The following XIRP2 variants were observed in gnomAD, a reference collection of about 807,000 sequenced individuals.
The protein encoded by XIRP2 is xin actin-binding repeat-containing protein 2.
A neutral mutation model predicts 277.0 loss-of-function variants in XIRP2; 236 were observed. The observed-to-expected ratio is 0.85, with a 90% CI of 0.77 to 0.95. XIRP2 has a LOEUF of 0.95. Among genes scored for constraint, XIRP2 ranks in the 40% least tolerant of loss-of-function variants. XIRP2 has a pLI of 0.00. For synonymous variants in XIRP2, 1,490 were observed against 1,416.5 expected (o/e 1.05, Z -1.17); for missense variants, 4,640 against 4,157.5 (o/e 1.12, Z -3.19).
intron 3 of XIRP2, among the ~76,000 whole-genome samples, chr2:167,203,176 C>T (rs1693769881): frequency 6.6e-6 from 1 of 152,082 alleles, no homozygotes; most frequent in Non-Finnish European, 1.5e-5. Context: ...ATTCATAGGT[C>T]CTGGGGATTA....
intron 2 of XIRP2, among the ~76,000 whole-genome samples, chr2:167,030,617 G>A (rs529987887): frequency 6.6e-6 from 1 of 152,194 alleles, no homozygotes; most frequent in East Asian, 1.9e-4. Flanking sequence ...GCTGAGGAGT[G>A]TTTTACTTTG....
chr2:167,178,108 T>A (rs1413910561), intron 3 of XIRP2, among the ~76,000 whole-genome samples: 1 of 152,062 alleles, frequency 6.6e-6, no homozygotes, highest in Non-Finnish European at 1.5e-5. Flanking sequence ...AAAAGTATTG[T>A]TTCATATATA....
At chr2:167,012,792 G>A (rs1687718826) in intron 2 of XIRP2, among the ~76,000 whole-genome samples, 1 of 151,484 alleles carries the variant, frequency 6.6e-6, no homozygotes, top group Admixed American at 6.6e-5. Context: ...TTCTTCCTAT[G>A]TTTTGAAATC....
In XIRP2 at chr2:167,258,200, T is replaced by A. The variant is rs1221684459; in HGVS notation, c.*383T>A. On this transcript the variant is annotated 3_prime_UTR_variant, in exon 11 of 11. Coordinates refer to ENST00000409195, the MANE Select transcript of XIRP2 (RefSeq NM_152381.6). ...GGAGATCCCTAAGAAAACCTTACCCTTTGAGGAAGAGCTCAAAATGAGTAA... is the reference window on the plus strand; with the variant it reads ...GGAGATCCCTAAGAAAACCTTACCCATTGAGGAAGAGCTCAAAATGAGTAA... 3 of 1,612,960 alleles carry A rather than the reference T, an allele frequency of 1.9e-6. No homozygotes were observed. The highest frequency in any genetic ancestry group is 3.3e-4 in the Middle Eastern group (2 of 6,056).
At chr2:167,137,538 A>G (rs1295737686) in intron 3 of XIRP2, among the ~76,000 whole-genome samples, 1 of 152,200 alleles carries the variant, frequency 6.6e-6, no homozygotes, top group East Asian at 1.9e-4. Flanking sequence ...ACATGAGATA[A>G]TTAACTCCAC....
intron 2 of XIRP2, among the ~76,000 whole-genome samples, chr2:167,123,369 C>T (rs1398183764): frequency 6.6e-6 from 1 of 152,086 alleles, no homozygotes; most frequent in Admixed American, 6.6e-5. Context: ...AAGAAACTTA[C>T]TTTAATAGAT....
intron 2 of XIRP2, among the ~76,000 whole-genome samples, chr2:166,959,626 T>C (rs1686251170): frequency 6.6e-6 from 1 of 151,878 alleles, no homozygotes; most frequent in South Asian, 2.1e-4. Flanking sequence ...TGATTACATA[T>C]TCTTTTGAAT....
chr2:167,125,991 T>C (rs938782712), intron 2 of XIRP2, among the ~76,000 whole-genome samples: 3 of 152,130 alleles, frequency 2.0e-5, no homozygotes, highest in African/African-American at 7.2e-5. Flanking sequence ...GGACATCAGT[T>C]GGGGCCACAG....
At chr2:167,010,401 A>AGG (rs36043679) in intron 2 of XIRP2, among the ~76,000 whole-genome samples, 1 of 151,644 alleles carries the variant, frequency 6.6e-6, no homozygotes, top group African/African-American at 2.4e-5. Flanking sequence ...GTTATTTCTG[A>AGG]GGGCTCTGTT....
rs779799882 is a variant in XIRP2, at chr2:167,248,740, C to T, written c.7348C>T (p.Leu2450=). ...FSPKVELATS[L]SDMECKITTS... is the part of the protein sequence containing the mutation. ...CCCCAAAGTTGAACTGGCAACCTCCCTGTCAGATATGGAATGTAAAATTAC... is the reference window on the plus strand; with the variant it reads ...CCCCAAAGTTGAACTGGCAACCTCCTTGTCAGATATGGAATGTAAAATTAC... Residue 2450 remains leucine, a synonymous_variant, in exon 9 of 11, where the codon CTG becomes TTG. Coordinates refer to ENST00000409195, the MANE Select transcript of XIRP2 (RefSeq NM_152381.6). 1.9e-6 allele frequency: 3 copies of T among 1,613,678 alleles called. No homozygotes were observed. The highest frequency in any genetic ancestry group is 1.7e-5 in the Admixed American group (1 of 59,968).
chr2:167,059,158 G>C (rs2105237580), intron 2 of XIRP2, among the ~76,000 whole-genome samples: 1 of 140,806 alleles, frequency 7.1e-6, no homozygotes, highest in South Asian at 2.2e-4. Context: ...CCAGGCTGGA[G>C]TGCAGTGGTG....
intron 2 of XIRP2, among the ~76,000 whole-genome samples, chr2:167,030,272 C>T (rs1309457828): frequency 6.6e-6 from 1 of 151,856 alleles, no homozygotes; most frequent in Non-Finnish European, 1.5e-5. Context: ...AATTTGTTTG[C>T]TCTTTCTTCT....
At chr2:167,089,481 C>T (rs1690078502) in intron 2 of XIRP2, among the ~76,000 whole-genome samples, 11 of 152,142 alleles carry the variant, frequency 7.2e-5, no homozygotes, top group Admixed American at 7.2e-4. Context: ...ATGCTTTATG[C>T]TTACTTCCCA....
chr2:166,906,203 A>G lies in XIRP2; in HGVS notation c.408+2313A>G, dbSNP rs183956799. ...GTAAATCATCTCAACCATAAGGAAC[A>G]ATAAACTACATTTTAATGTTGCTAT... On this transcript the variant is annotated intron_variant, in intron 2 of 10. Coordinates refer to ENST00000409195, the MANE Select transcript of XIRP2 (RefSeq NM_152381.6). Among the ~76,000 whole-genome samples, 356 of 152,188 alleles carry G rather than the reference A, an allele frequency of 2.3e-3. 3 individuals are homozygous for G. Among genetic ancestry groups the G allele is most frequent in the African/African-American group, 8.3e-3 (344 of 41,570 alleles).
intron 2 of XIRP2, among the ~76,000 whole-genome samples, chr2:167,097,879 A>G (rs1358743235): frequency 1.3e-5 from 2 of 151,900 alleles, no homozygotes; most frequent in Non-Finnish European, 2.9e-5. Flanking sequence ...ATTGGCCCCC[A>G]CTCTCTTCTG....
intron 2 of XIRP2, among the ~76,000 whole-genome samples, chr2:167,015,897 A>G (rs1287273428): frequency 6.6e-6 from 1 of 151,602 alleles, no homozygotes; most frequent in South Asian, 2.1e-4. Context: ...TATAGAATTT[A>G]TATTTTATAT....
intron 2 of XIRP2, among the ~76,000 whole-genome samples, chr2:166,995,862 A>G (rs955284165): frequency 6.6e-6 from 1 of 152,164 alleles, no homozygotes; most frequent in East Asian, 1.9e-4. Context: ...GCCACTTCTT[A>G]TCGCAGAGCC....
Position 167,112,052 on chromosome 2 carries a change from T to C in XIRP2, c.409-23857T>C, listed in dbSNP as rs117097978. ...ATTGTGTTTATTTAGACCTTCTCTCTTTTTTGCTTTACTAATCTAACTAGT... is the reference window on the plus strand; with the variant it reads ...ATTGTGTTTATTTAGACCTTCTCTCCTTTTTGCTTTACTAATCTAACTAGT... On this transcript the variant is annotated intron_variant, in intron 2 of 10. Transcript: ENST00000409195. Among the ~76,000 whole-genome samples the C allele has an allele frequency of 1.3e-3, 205 of 152,266 alleles. 7 individuals carry two copies. The East Asian group carries it at 0.034, about 26-fold the overall frequency.
chr2:167,242,462 G>A, intron 8 of XIRP2, 107 bp from the exon 9 acceptor site: 1 of 1,144,234 alleles, frequency 8.7e-7, no homozygotes, highest in South Asian at 1.6e-5. Context: ...TGTTCCCAAT[G>A]GAGATATCAT....
Sources: gnomAD v4.1 joint callset for allele counts (sites outside exome capture counted in the v4.1 genomes callset) on GRCh38, gnomAD v4.1.1 for gene constraint, MANE v1.5 for transcripts, NCBI Gene and HGNC (gene_info 2026-07-23, HGNC 2026-07-21) for gene names.